The following COL6A5 variants were observed in gnomAD, a reference collection of about 807,000 sequenced individuals.
The protein encoded by COL6A5 is collagen type VI alpha 5 chain, also known as collagen alpha-5(VI) chain.
COL6A5 carries 48 observed loss-of-function variants against 65.6 expected under a neutral mutation model. That is an observed-to-expected ratio of 0.73 (90% CI 0.58 to 0.93). The LOEUF (loss-of-function observed/expected upper bound fraction) is 0.93, where lower values mean the gene tolerates loss of function less well. COL6A5 is among the 40% of genes least tolerant of loss of function. COL6A5 has a pLI of 0.00. For missense variants in COL6A5, 914 were observed against 928.3 expected (o/e 0.98, Z 0.20); for synonymous variants, 291 against 322.8 (o/e 0.90, Z 1.05).
intron 29 of COL6A5, 93 bp from the exon 30 acceptor site, chr3:130,426,121 A>G: frequency 8.1e-7 from 1 of 1,233,630 alleles, no homozygotes; most frequent in Non-Finnish European, 1.2e-6. Context: ...TGCTTTTAAG[A>G]AAGAAAGTTT....
At chr3:130,463,280 T>C (rs1244072672) in intron 5 of COL6A5, among the ~76,000 whole-genome samples, 1 of 151,764 alleles carries the variant, frequency 6.6e-6, no homozygotes, top group Admixed American at 6.6e-5. Flanking sequence ...GTGGCTTGCC[T>C]ATGAAGAACA....
exon 4 of COL6A5, chr3:130,379,870 C>T: frequency 6.4e-7 from 1 of 1,551,266 alleles, no homozygotes; most frequent in Non-Finnish European, 8.7e-7. Flanking sequence ...CTTGAGCATC[C>T]AAGGGGCTAA....
chr3:130,446,144 G>C (rs189465030), intron 4 of COL6A5, among the ~76,000 whole-genome samples: 8 of 152,204 alleles, frequency 5.3e-5, no homozygotes, highest in East Asian at 1.9e-4. Context: ...GGCACAGAGG[G>C]GGGTATTTAT....
At chr3:130,368,890 A>G (rs1032342019) in intron 1 of COL6A5, among the ~76,000 whole-genome samples, 1 of 152,204 alleles carries the variant, frequency 6.6e-6, no homozygotes, top group African/African-American at 2.4e-5. Flanking sequence ...GAAATGGGAT[A>G]AGGCACCAGG....
chr3:130,422,620 T>C (rs974620333), intron 27 of COL6A5, 100 bp from the exon 28 acceptor site: 1 of 729,642 alleles, frequency 1.4e-6, no homozygotes, highest in African/African-American at 1.8e-5. Flanking sequence ...TAATGTATGA[T>C]TGTCATAATA....
At chr3:130,414,227 A>T (rs1937271611) in intron 22 of COL6A5, 96 bp downstream of exon 22, 1 of 971,948 alleles carries the variant, frequency 1.0e-6, no homozygotes, top group Non-Finnish European at 1.6e-6. Context: ...ATAACTGAGA[A>T]TCTGCCCCCT....
rs549171241 is a variant in COL6A5 at position 130,456,005 on chromosome 3, G to A, written c.1544+339G>A. Among the ~76,000 whole-genome samples, 272 of 151,984 alleles carry A rather than the reference G, an allele frequency of 1.8e-3. 1 individual carries two copies. Among genetic ancestry groups the A allele is most frequent in the South Asian group, 0.015 (72 of 4,820 alleles). ...GGAGGGATTAAAATGACTTTTTTTTGGGGGGAGGAATGGAGTTTCATTCTT... is the reference window on the plus strand; with the variant it reads ...GGAGGGATTAAAATGACTTTTTTTTAGGGGGAGGAATGGAGTTTCATTCTT... On this transcript the variant is annotated intron_variant, in intron 5 of 7. Coordinates refer to ENST00000512836, the Ensembl canonical transcript of COL6A5.
intron 1 of COL6A5, among the ~76,000 whole-genome samples, chr3:130,366,746 A>C (rs971916299): frequency 5.3e-5 from 8 of 152,172 alleles, no homozygotes; most frequent in Non-Finnish European, 1.0e-4. Context: ...TTTATTCTGA[A>C]ACATCATGTT....
exon 1 of COL6A5, chr3:130,431,541 T>A: frequency 1.9e-6 from 3 of 1,551,614 alleles, no homozygotes; most frequent in Non-Finnish European, 8.7e-7. Flanking sequence ...AGAGCTTTAA[T>A]AAAACACGGG....
intron 7 of COL6A5, among the ~76,000 whole-genome samples, chr3:130,479,234 C>A (rs1373259963): frequency 6.6e-6 from 1 of 151,832 alleles, no homozygotes; most frequent in African/African-American, 2.4e-5. Flanking sequence ...GAAAAGGCAC[C>A]ACGTTTGAAC....
At position 130,394,874 on chromosome 3, in the gene COL6A5, C is replaced by T; in HGVS notation, c.2993-16C>T. The T allele has an allele frequency of 2.0e-6, 3 of 1,524,212 alleles. No homozygotes were observed. The highest frequency in any genetic ancestry group is 2.6e-6 in the Non-Finnish European group (3 of 1,134,822). The allele number at this position is 1,524,212 out of a possible 1,614,324, so 94.4% of individuals were successfully genotyped here. A position where few individuals can be genotyped will look rare whatever the true frequency, so the allele number is the denominator to read the frequency against. ...TGATTCATGAGGAAAATAATTTATT[C>T]TTTTTTCTATTGCAGTCTGTCATCT... is the stretch of plus-strand genomic sequence containing the variant. On this transcript the variant is annotated splice_polypyrimidine_tract_variant and intron_variant and NMD_transcript_variant, in intron 7 of 41. Transcript: ENST00000312481.
chr3:130,387,554 C>A (rs1457886707), intron 5 of COL6A5, among the ~76,000 whole-genome samples: 1 of 152,098 alleles, frequency 6.6e-6, no homozygotes, highest in Non-Finnish European at 1.5e-5. Flanking sequence ...GGTTCCATGG[C>A]AGCTTGAATC....
At chr3:130,416,282 C>T (rs1937334193) in intron 23 of COL6A5, among the ~76,000 whole-genome samples, 1 of 152,098 alleles carries the variant, frequency 6.6e-6, no homozygotes, top group African/African-American at 2.4e-5. Flanking sequence ...TTTCTATATT[C>T]CTAGCATGTG....
intron 4 of COL6A5, among the ~76,000 whole-genome samples, chr3:130,380,482 C>T (rs1935958997): frequency 6.6e-6 from 1 of 152,080 alleles, no homozygotes; most frequent in African/African-American, 2.4e-5. Flanking sequence ...GTCTTCCTTT[C>T]ATTCATGCAC....
At chr3:130,476,816 T>A (rs1245917727) in intron 7 of COL6A5, 5 of 622,898 alleles carry the variant, frequency 8.0e-6, no homozygotes, top group Non-Finnish European at 1.5e-5. Flanking sequence ...GTTTTCTGCA[T>A]TTTTCTGTTG....
In COL6A5 at chr3:130,440,269, TGAGTTTAAG is replaced by T. The variant is rs138733830; in HGVS notation, c.687_695del (p.Glu230_Lys232del). 2,760 of 1,613,394 alleles carry T rather than the reference TGAGTTTAAG, an allele frequency of 1.7e-3. 4 individuals are homozygous for T. Among genetic ancestry groups the T allele is most frequent in the Non-Finnish European group, 2.1e-3 (2,452 of 1,179,652 alleles). On this transcript the variant is annotated inframe_deletion, in exon 3 of 8. Transcript: ENST00000512836. ...ACAATTCTCGGAATATAGCAAAGGA[TGAGTTTAAG>T]GCTGTGAAAGCCTTGGTGAGCTCAG... is the stretch of plus-strand genomic sequence containing the variant.
intron 1 of COL6A5, among the ~76,000 whole-genome samples, chr3:130,352,848 C>T (rs528293423): frequency 6.6e-6 from 1 of 152,236 alleles, no homozygotes; most frequent in South Asian, 2.1e-4. Flanking sequence ...TTTAAGAGCC[C>T]ATCTACCTTA....
chr3:130,475,116 C>G (rs190216883), intron 7 of COL6A5, among the ~76,000 whole-genome samples: 7 of 147,994 alleles, frequency 4.7e-5, no homozygotes, highest in Non-Finnish European at 9.0e-5. Flanking sequence ...GAAAAGATTG[C>G]GAAAAAGGCG....
intron 7 of COL6A5, among the ~76,000 whole-genome samples, chr3:130,479,607 T>C (rs1420887792): frequency 1.3e-5 from 2 of 152,124 alleles, no homozygotes; most frequent in African/African-American, 4.8e-5. Flanking sequence ...GCAGAGCATG[T>C]GTGGATTGGC....
Sources: allele counts gnomAD v4.1 joint callset (sites outside exome capture counted in the v4.1 genomes callset), GRCh38; gene constraint gnomAD v4.1.1; transcripts MANE v1.5; gene names NCBI Gene and HGNC (gene_info 2026-07-23, HGNC 2026-07-21).